Variants in VAV3 observed in about 807,000 individuals in gnomAD.
VAV3 encodes guanine nucleotide exchange factor VAV3.
A neutral mutation model predicts 131.2 loss-of-function variants in VAV3; 94 were observed. The ratio of observed to expected loss-of-function variants is 0.72; its 90% CI spans 0.61 to 0.85. The LOEUF (loss-of-function observed/expected upper bound fraction) is 0.85, where lower values mean the gene tolerates loss of function less well. Ranked by LOEUF, VAV3 falls within the 40% of genes least tolerant of loss-of-function variation. The pLI is 0.00. For synonymous variants in VAV3, 349 were observed against 342.0 expected (o/e 1.02, Z -0.22); for missense variants, 939 against 1,002.7 (o/e 0.94, Z 0.86).
intron 15 of VAV3, among the ~76,000 whole-genome samples, chr1:107,707,653 G>A (rs921122250): frequency 2.6e-5 from 4 of 152,164 alleles, no homozygotes; most frequent in African/African-American, 9.7e-5. Flanking sequence ...CTTGGGACTA[G>A]GAATCCATAT....
At chr1:107,741,316 G>T (rs567338737) in intron 15 of VAV3, among the ~76,000 whole-genome samples, 8 of 152,190 alleles carry the variant, frequency 5.3e-5, no homozygotes, top group Non-Finnish European at 1.2e-4. Flanking sequence ...GAATTGCTGG[G>T]TAACATGACA....
intron 17 of VAV3, among the ~76,000 whole-genome samples, chr1:107,697,610 T>G (rs568727839): frequency 6.6e-6 from 1 of 152,358 alleles, no homozygotes; most frequent in Non-Finnish European, 1.5e-5. Context: ...AAGCATTATC[T>G]ACAATCTGCA....
At chr1:107,873,037 ATCT>A (rs1670323338) in intron 2 of VAV3, among the ~76,000 whole-genome samples, 1 of 152,192 alleles carries the variant, frequency 6.6e-6, no homozygotes, top group Non-Finnish European at 1.5e-5. Context: ...AGCTACTCCA[ATCT>A]TGGCAGTAGC....
intron 2 of VAV3, among the ~76,000 whole-genome samples, chr1:107,861,235 A>G (rs953802748): frequency 2.6e-5 from 4 of 151,706 alleles, no homozygotes; most frequent in South Asian, 2.1e-4. Context: ...TCTTGGGTGC[A>G]GTCAACTGAC....
intron 2 of VAV3, among the ~76,000 whole-genome samples, chr1:107,816,951 C>CTT (rs1667586006): frequency 6.6e-6 from 1 of 152,182 alleles, no homozygotes; most frequent in South Asian, 2.1e-4. Context: ...AGAGTCTTGG[C>CTT]TTTAGCCTGG....
intron 2 of VAV3, among the ~76,000 whole-genome samples, chr1:107,782,915 C>T (rs1451436348): frequency 6.6e-6 from 1 of 152,194 alleles, no homozygotes; most frequent in African/African-American, 2.4e-5. Context: ...TAATTTCTAA[C>T]TTGTTACCAC....
At chr1:107,747,395 A>AG (rs1217349487) in intron 15 of VAV3, among the ~76,000 whole-genome samples, 4 of 152,206 alleles carry the variant, frequency 2.6e-5, no homozygotes. Flanking sequence ...CAAAGGCTCG[A>AG]GATCAGCTCT....
At chr1:107,819,237 C>T (rs1466887794) in intron 2 of VAV3, among the ~76,000 whole-genome samples, 2 of 152,098 alleles carry the variant, frequency 1.3e-5, no homozygotes, top group Admixed American at 6.5e-5. Context: ...TCTTCCCTTG[C>T]TATCATGCAG....
intron 2 of VAV3, among the ~76,000 whole-genome samples, chr1:107,827,500 T>C (rs1668067067): frequency 6.6e-6 from 1 of 152,142 alleles, no homozygotes; most frequent in African/African-American, 2.4e-5. Context: ...AAACAGTGAT[T>C]AACAATTGAT....
rs112615329 is a variant in VAV3, at chr1:107,642,533, G to A, written c.1914+86C>T. ...CAACTTGCTTTTGCTTTGCACTGTG[G>A]ACTCGCCCTGAATTCCTTCTTGGGC... On this transcript the variant is annotated intron_variant, in intron 20 of 26. Coordinates refer to ENST00000370056, the MANE Select transcript of VAV3 (RefSeq NM_006113.5). The A allele has an allele frequency of 3.7e-5, 55 of 1,493,362 alleles. No homozygotes were observed. In the African/African-American group the frequency reaches 4.2e-4, roughly 11 times the overall value. The allele number at this position is 1,493,362 out of a possible 1,614,324, so 92.5% of individuals were successfully genotyped here.
At chr1:107,630,266 AAC>A (rs928484277) in intron 20 of VAV3, among the ~76,000 whole-genome samples, 1 of 152,064 alleles carries the variant, frequency 6.6e-6, no homozygotes, top group African/African-American at 2.4e-5. Context: ...CCCAACATGA[AAC>A]ACAGTCAGTT....
chr1:107,743,157 T>C (rs149886497), intron 15 of VAV3, among the ~76,000 whole-genome samples: 124 of 152,308 alleles, frequency 8.1e-4, no homozygotes, highest in African/African-American at 2.9e-3. Context: ...CAGGGCCTTC[T>C]TCCATCCTAG....
chr1:107,738,224 G>A (rs1662790438), intron 15 of VAV3, among the ~76,000 whole-genome samples: 1 of 152,146 alleles, frequency 6.6e-6, no homozygotes, highest in Non-Finnish European at 1.5e-5. Context: ...GAATGGGGGA[G>A]GGATAGCATT....
chr1:107,899,111 T>C (rs1218931274), intron 1 of VAV3, among the ~76,000 whole-genome samples: 1 of 152,148 alleles, frequency 6.6e-6, no homozygotes, highest in Non-Finnish European at 1.5e-5. Flanking sequence ...GCACAAAGAA[T>C]AAAAATGGTT....
chr1:107,750,642 G>T (rs1326151523), intron 13 of VAV3, among the ~76,000 whole-genome samples: 1 of 152,162 alleles, frequency 6.6e-6, no homozygotes, highest in Non-Finnish European at 1.5e-5. Context: ...TCTGTTTGAT[G>T]ATTACATATA....
At chr1:107,656,753 A>G (rs1477912350) in intron 19 of VAV3, among the ~76,000 whole-genome samples, 1 of 152,072 alleles carries the variant, frequency 6.6e-6, no homozygotes, top group Non-Finnish European at 1.5e-5. Flanking sequence ...ATAAAAATAT[A>G]AAAAAGGAAA....
At position 107,922,813 on chromosome 1, in the gene VAV3, G is replaced by A. The variant is rs12060175; in HGVS notation, c.204+41853C>T. 3.6e-3 allele frequency among the ~76,000 whole-genome samples: 551 copies of A among 152,054 alleles called. 2 individuals carry two copies. The highest frequency in any genetic ancestry group is 0.012 in the African/African-American group (509 of 41,488). On this transcript the variant is annotated intron_variant, in intron 1 of 26. Coordinates refer to ENST00000370056, the MANE Select transcript of VAV3 (RefSeq NM_006113.5). ...TAAAAATACAAAAAATTAGCCGGGCGTGGTGGCGGGCGCCTGTAGTCCCAG... is the reference window on the plus strand; with the variant it reads ...TAAAAATACAAAAAATTAGCCGGGCATGGTGGCGGGCGCCTGTAGTCCCAG...
chr1:107,843,942 C>CATGATGAATACT (rs1553218357), intron 2 of VAV3, among the ~76,000 whole-genome samples: 1 of 152,030 alleles, frequency 6.6e-6, no homozygotes, highest in East Asian at 1.9e-4. Context: ...GAGAAGTATT[C>CATGATGAATACT]ATGATGAAAC....
chr1:107,764,799 C>T (rs1028986019), intron 9 of VAV3, among the ~76,000 whole-genome samples: 4 of 152,138 alleles, frequency 2.6e-5, no homozygotes, highest in African/African-American at 9.7e-5. Flanking sequence ...TCAGCTTTCT[C>T]ATAAGATGAG....
Sources: allele counts gnomAD v4.1 joint callset (sites outside exome capture counted in the v4.1 genomes callset), GRCh38; gene constraint gnomAD v4.1.1; transcripts MANE v1.5; gene names NCBI Gene and HGNC (gene_info 2026-07-23, HGNC 2026-07-21).